Variants in SNTG1 observed in about 807,000 individuals in gnomAD.
SNTG1 encodes syntrophin gamma 1.
Under a neutral mutation model 74.7 loss-of-function variants are expected in SNTG1, and 39 were observed. That is an observed-to-expected ratio of 0.52 (90% CI 0.40 to 0.68). SNTG1 has a LOEUF of 0.68. Among genes scored for constraint, SNTG1 ranks in the 30% least tolerant of loss-of-function variants. The probability of loss-of-function intolerance (pLI) is 0.00; values close to 1 mark genes in which losing one functional copy is unlikely to be tolerated. For synonymous variants in SNTG1, 254 were observed against 217.1 expected (o/e 1.17, Z -1.49); for missense variants, 685 against 609.5 (o/e 1.12, Z -1.30).
intron 15 of SNTG1, among the ~76,000 whole-genome samples, chr8:50,669,914 C>A (rs1429912796): frequency 6.6e-6 from 1 of 152,116 alleles, no homozygotes; most frequent in Non-Finnish European, 1.5e-5. Context: ...TGTAATCCAG[C>A]ATAGAAACAG....
intron 1 of SNTG1, among the ~76,000 whole-genome samples, chr8:50,032,614 C>T (rs898142155): frequency 7.9e-5 from 12 of 152,102 alleles, no homozygotes; most frequent in South Asian, 2.1e-4. Flanking sequence ...TCCAGTCGTG[C>T]CCAGGCCCAT....
At chr8:50,266,258 G>T (rs966149501) in intron 2 of SNTG1, among the ~76,000 whole-genome samples, 3 of 152,112 alleles carry the variant, frequency 2.0e-5, no homozygotes, top group Admixed American at 2.0e-4. Flanking sequence ...CAATAGAATA[G>T]AATTAAAATT....
chr8:50,285,867 T>C (rs180694469), intron 2 of SNTG1, among the ~76,000 whole-genome samples: 4 of 152,100 alleles, frequency 2.6e-5, no homozygotes, highest in Admixed American at 2.0e-4. Flanking sequence ...AATATAATTA[T>C]AGCAAGTATA....
chr8:50,111,865 T>C (rs2080606498), intron 1 of SNTG1, among the ~76,000 whole-genome samples: 1 of 151,844 alleles, frequency 6.6e-6, no homozygotes, highest in African/African-American at 2.4e-5. Context: ...AAAGGGACTA[T>C]GGAAAAAAGA....
intron 5 of SNTG1, among the ~76,000 whole-genome samples, chr8:50,442,343 C>A (rs957893998): frequency 4.6e-5 from 7 of 152,014 alleles, no homozygotes; most frequent in Non-Finnish European, 1.0e-4. Flanking sequence ...ACATTTGCAC[C>A]GGTCCCTCCA....
At chr8:49,938,603 T>TTTTCTTTTCTTTTCTTTTCTTTTCTTTC in intron 1 of SNTG1, among the ~76,000 whole-genome samples, 1 of 74,766 alleles carries the variant, frequency 1.3e-5, no homozygotes. Flanking sequence ...TTTTCTTTTC[T>TTTTCTTTTCTTTTCTTTTCTTTTCTTTC]TTTCTTTCTT....
intron 11 of SNTG1, among the ~76,000 whole-genome samples, chr8:50,538,172 T>C (rs996210765): frequency 4.6e-5 from 7 of 152,158 alleles, no homozygotes; most frequent in Admixed American, 2.6e-4. Context: ...AATAGAAATG[T>C]TGCTTCCATT....
At chr8:50,449,791 A>C (rs1040253356) in intron 6 of SNTG1, 66 bp downstream of exon 6, 9 of 1,311,066 alleles carry the variant, frequency 6.9e-6, no homozygotes, top group Non-Finnish European at 9.3e-6. Context: ...GTGTGAGATG[A>C]TATTCAAGAA....
chr8:50,685,226 T>C (rs1417719956), intron 15 of SNTG1, among the ~76,000 whole-genome samples: 2 of 152,144 alleles, frequency 1.3e-5, no homozygotes, highest in African/African-American at 2.4e-5. Flanking sequence ...ACCTTGCTTT[T>C]CCTCCAAGAG....
intron 8 of SNTG1, among the ~76,000 whole-genome samples, chr8:50,475,171 T>G (rs1054721104): frequency 9.9e-5 from 15 of 151,652 alleles, no homozygotes; most frequent in Non-Finnish European, 1.9e-4. Flanking sequence ...GGCACATGTA[T>G]GCATATGTAA....
chr8:50,163,125 C>T (rs917174181), intron 1 of SNTG1, among the ~76,000 whole-genome samples: 3 of 152,136 alleles, frequency 2.0e-5, no homozygotes, highest in Admixed American at 2.0e-4. Context: ...TCCCTTCACC[C>T]TCCAGGGAGG....
intron 11 of SNTG1, among the ~76,000 whole-genome samples, chr8:50,543,608 G>T (rs750597404): frequency 6.6e-6 from 1 of 152,056 alleles, no homozygotes; most frequent in Non-Finnish European, 1.5e-5. Flanking sequence ...AAAACATCTA[G>T]GTTGCTTCCG....
chr8:50,295,791 G>A (rs2089335103), intron 2 of SNTG1, among the ~76,000 whole-genome samples: 1 of 152,154 alleles, frequency 6.6e-6, no homozygotes, highest in South Asian at 2.1e-4. Context: ...TACATATGAT[G>A]TGTACTGAAC....
intron 15 of SNTG1, among the ~76,000 whole-genome samples, chr8:50,692,408 T>C (rs1030255743): frequency 3.3e-5 from 5 of 152,196 alleles, no homozygotes; most frequent in African/African-American, 1.2e-4. Context: ...TTGATGATGG[T>C]GACATACAGA....
At chr8:50,440,152 T>C (rs1368884098) in intron 5 of SNTG1, among the ~76,000 whole-genome samples, 1 of 151,794 alleles carries the variant, frequency 6.6e-6, no homozygotes, top group East Asian at 1.9e-4. Flanking sequence ...CATTCAATTA[T>C]TGACCAAAAA....
intron 1 of SNTG1, among the ~76,000 whole-genome samples, chr8:49,999,446 C>A (rs1020159925): frequency 1.3e-5 from 2 of 152,166 alleles, no homozygotes; most frequent in South Asian, 2.1e-4. Flanking sequence ...ATTCTTGACA[C>A]AACAGCCACA....
intron 2 of SNTG1, among the ~76,000 whole-genome samples, chr8:50,184,207 C>T (rs1177345921): frequency 1.3e-5 from 2 of 152,064 alleles, no homozygotes; most frequent in Non-Finnish European, 2.9e-5. Context: ...GCTCTGTCGC[C>T]CAGGCTGGAC....
chr8:50,638,129 C>T (rs541414692), intron 13 of SNTG1, among the ~76,000 whole-genome samples: 1 of 152,142 alleles, frequency 6.6e-6, no homozygotes, highest in South Asian at 2.1e-4. Context: ...GAAGAAGAGA[C>T]CATGCTATAA....
chr8:50,276,132 A>G (rs2088086914), intron 2 of SNTG1, among the ~76,000 whole-genome samples: 2 of 152,138 alleles, frequency 1.3e-5, no homozygotes, highest in Non-Finnish European at 2.9e-5. Context: ...TTTAAAGAGC[A>G]AGAACTAGGG....
Sources: gnomAD v4.1 joint callset for allele counts (sites outside exome capture counted in the v4.1 genomes callset) on GRCh38, gnomAD v4.1.1 for gene constraint, MANE v1.5 for transcripts, NCBI Gene and HGNC (gene_info 2026-07-23, HGNC 2026-07-21) for gene names.